EPHA1: variants seen among roughly 807,000 people sequenced by gnomAD.
The protein encoded by EPHA1 is ephrin type-A receptor 1.
Under a neutral mutation model 110.1 loss-of-function variants are expected in EPHA1, and 92 were observed. The ratio of observed to expected loss-of-function variants is 0.84; its 90% CI spans 0.71 to 0.99. The LOEUF (loss-of-function observed/expected upper bound fraction) is 0.99. EPHA1 is among the 50% of genes least tolerant of loss of function. EPHA1 has a pLI of 0.00. For synonymous variants in EPHA1, 500 were observed against 516.1 expected, an observed-to-expected ratio of 0.97 and a Z score of 0.42; for missense variants, 1,204 against 1,285.4, an observed-to-expected ratio of 0.94 and a Z score of 0.97.
Position 143,399,911 on chromosome 7 carries a change from A to G in EPHA1, c.575T>C (p.Val192Ala), listed in dbSNP as rs1441823997. The G allele has an allele frequency of 6.2e-7, 1 of 1,612,706 alleles. No homozygotes were observed. Among genetic ancestry groups the G allele is most frequent in the East Asian group, 2.2e-5 (1 of 44,848 alleles). The change falls in exon 4 of 18, where the codon GTG (valine) becomes GCG (alanine). Residue 192 changes from valine to alanine, a missense_variant. Physicochemically the swap from Val to Ala is moderately conservative, Grantham distance 64. Coordinates refer to ENST00000275815, the MANE Select transcript of EPHA1 (RefSeq NM_005232.5). ...GAAGACCCGGACAGACACCAGGGCC[A>G]CACAGGCACCCGGGTTGTGGAAAGC... ...YLAFHNPGACVALVSVRVFYQ... is the reference protein window; with the variant it reads ...YLAFHNPGACAALVSVRVFYQ...
Position 143,399,962 on chromosome 7 carries a change from C to T in EPHA1, c.524G>A (p.Arg175His), listed in dbSNP as rs760180128. Reference protein sequence around the residue: ...KLNVERCSLGRLTRRGLYLAF... With the variant: ...KLNVERCSLGHLTRRGLYLAF... The stretch of plus-strand genomic sequence containing the variant: ...GAGGTAGAGGCCACGGCGGGTCAGG[C>T]GGCCCAGAGAGCAGCGCTCCACATT... Residue 175 changes from arginine (R) to histidine (H), a missense_variant, in exon 4 of 18, where the codon CGC (arginine) becomes CAC (histidine). Transcript: ENST00000275815. The T allele has an allele frequency of 5.5e-5, 88 of 1,613,412 alleles. No individual in the cohort carries two copies. Among genetic ancestry groups the T allele is most frequent in the African/African-American group, 8.0e-5 (6 of 74,922 alleles).
chr7:143,398,561 C>G (rs1805325174), intron 6 of EPHA1, 40 bp downstream of exon 6: 1 of 1,606,876 alleles, frequency 6.2e-7, no homozygotes, highest in Non-Finnish European at 8.5e-7. Context: ...GCCCTTCTGT[C>G]TCCACCAGGT....
chr7:143,392,247 A>G (rs1047037567), intron 16 of EPHA1, among the ~76,000 whole-genome samples: 2 of 152,106 alleles, frequency 1.3e-5, no homozygotes, highest in African/African-American at 4.8e-5. Context: ...TTATTCTTGC[A>G]CTCTGACACC....
At chr7:143,396,625 G>T (rs1480671686) in intron 10 of EPHA1, 115 bp from the exon 11 acceptor site, 1 of 1,334,148 alleles carries the variant, frequency 7.5e-7, no homozygotes, top group African/African-American at 1.5e-5. Context: ...GTTTCCCAAG[G>T]TGACTCCTGT....
rs1805231735 is a variant in EPHA1 at position 143,395,905 on chromosome 7, G to A, written c.1898-401C>T. Among the ~76,000 whole-genome samples the A allele has an allele frequency of 6.6e-6, 1 of 152,232 alleles. No homozygotes were observed. The highest frequency in any genetic ancestry group is 6.5e-5 in the Admixed American group (1 of 15,288). ...CTCTGGTCCCAGCTTGCCTGGCTCA[G>A]CTGCACAATTGGCAAGGACACCACC... On this transcript the variant is annotated intron_variant, in intron 11 of 17. Transcript: ENST00000275815. The surrounding 1 kb of genome is among the most constrained non-coding windows in gnomAD (Gnocchi z 4.7).
At chr7:143,400,095 CCTG>C in intron 3 of EPHA1, 42 bp from the exon 4 acceptor site, 1 of 1,543,944 alleles carries the variant, frequency 6.5e-7, no homozygotes. Flanking sequence ...ATGGCAAAGT[CCTG>C]CTTCTTTCCC....
intron 2 of EPHA1, among the ~76,000 whole-genome samples, chr7:143,406,835 G>T (rs534874024): frequency 6.6e-6 from 1 of 152,324 alleles, no homozygotes; most frequent in South Asian, 2.1e-4. Flanking sequence ...ACTGAGTTTG[G>T]TTTTTTGTAC....
At chr7:143,406,156 G>C (rs1231195865) in intron 2 of EPHA1, among the ~76,000 whole-genome samples, 1 of 152,226 alleles carries the variant, frequency 6.6e-6, no homozygotes, top group Non-Finnish European at 1.5e-5. Flanking sequence ...GAACTAGACT[G>C]GGGTGGGGGA....
intron 16 of EPHA1, among the ~76,000 whole-genome samples, chr7:143,392,513 TGAA>T (rs967396364): frequency 2.0e-4 from 31 of 152,274 alleles, no homozygotes; most frequent in African/African-American, 6.0e-4. Flanking sequence ...ATAAAGCACT[TGAA>T]GAACAGCCTT....
Position 143,393,584 on chromosome 7 carries a change from C to G in EPHA1, c.2696+87G>C. 2 of 1,469,992 alleles carry G rather than the reference C, an allele frequency of 1.4e-6. No individual in the cohort carries two copies. The highest frequency in any genetic ancestry group is 1.3e-5 in the South Asian group (1 of 76,290). The allele number at this position is 1,469,992 out of a possible 1,614,324, so 91.1% of individuals were successfully genotyped here. ...GACTTGGTCCAGAGCTCCCCAGGCC[C>G]AGCGCTCAAAGAAGATTGGCTGAAT... On this transcript the variant is annotated intron_variant, in intron 16 of 17. Coordinates refer to ENST00000275815, the MANE Select transcript of EPHA1 (RefSeq NM_005232.5). This position sits in a 1 kb window ranked among gnomAD's most constrained non-coding sequence, Gnocchi z 5.6.
At chr7:143,405,436 C>CGTGTGTGCGT (rs1554449785) in intron 2 of EPHA1, among the ~76,000 whole-genome samples, 1 of 149,430 alleles carries the variant, frequency 6.7e-6, no homozygotes, top group Non-Finnish European at 1.5e-5. Context: ...TGCATGTGTG[C>CGTGTGTGCGT]GTGTGTGTGT....
intron 5 of EPHA1, 86 bp downstream of exon 5, chr7:143,399,172 G>T (rs1011475706): frequency 7.9e-6 from 12 of 1,520,992 alleles, no homozygotes; most frequent in Non-Finnish European, 1.1e-5. Flanking sequence ...TATCTGACAA[G>T]CTCTGGAAAA....
intron 5 of EPHA1, 41 bp downstream of exon 5, chr7:143,399,217 C>A: frequency 6.3e-7 from 1 of 1,589,504 alleles, no homozygotes; most frequent in Admixed American, 1.8e-5. Flanking sequence ...AAAGATCCAG[C>A]CCCTCCCTCC....
rs909473186 is a variant in EPHA1, at chr7:143,397,284, C to G, written c.1771+20G>C. The G allele has an allele frequency of 2.4e-5, 37 of 1,545,378 alleles. No homozygotes were observed. In the East Asian group the frequency reaches 7.1e-4, roughly 30 times the overall value. ...GTGTGCACACGCATGTGGGGACACA[C>G]GCAGGTGCACCCGACTCACCTCGAT... is the stretch of plus-strand genomic sequence containing the variant. On this transcript the variant is annotated intron_variant, in intron 10 of 17. Coordinates refer to ENST00000275815, the MANE Select transcript of EPHA1 (RefSeq NM_005232.5).
chr7:143,398,461 AGGG>A lies in EPHA1; in HGVS notation c.1337-16_1337-14del. On this transcript the variant is annotated splice_polypyrimidine_tract_variant and intron_variant, in intron 6 of 17. Coordinates refer to ENST00000275815, the MANE Select transcript of EPHA1 (RefSeq NM_005232.5). ...CCTGACAGTGACTCTGGGGGTCCAG[AGGG>A]ATAAGGTTGGATATGTAAGGAAAAA... 1 of 1,614,062 alleles carries A rather than the reference AGGG, an allele frequency of 6.2e-7. No individual in the cohort carries two copies. The highest frequency in any genetic ancestry group is 1.1e-5 in the South Asian group (1 of 91,088).
At position 143,394,257 on chromosome 7, in the gene EPHA1, C is replaced by A; in HGVS notation, c.2439G>T (p.Gly813=). 1 of 1,614,042 alleles carries A rather than the reference C, an allele frequency of 6.2e-7. No individual in the cohort carries two copies. Among genetic ancestry groups the A allele is most frequent in the Non-Finnish European group, 8.5e-7 (1 of 1,180,000 alleles). Residue 813 remains glycine (G), a synonymous_variant, in exon 15 of 18, where the codon GGG becomes GGT. Coordinates refer to ENST00000275815, the MANE Select transcript of EPHA1 (RefSeq NM_005232.5). ...AGCTCAGCACCTCCCACATCACAAT[C>A]CCAAAGCTCCACACATCGCTGGCTG... is the stretch of plus-strand genomic sequence containing the variant. ...FTTASDVWSF[G]IVMWEVLSFG...
In EPHA1 at chr7:143,394,203, G is replaced by A. The variant is rs1377866638; in HGVS notation, c.2493C>T (p.Ser831=). Residue 831 remains serine, a synonymous_variant, in exon 15 of 18, where the codon AGC becomes AGT. Coordinates refer to ENST00000275815, the MANE Select transcript of EPHA1 (RefSeq NM_005232.5). ...SFGDKPYGEM[S]NQEVMKSIED... ...AATATTCTGGGCTCACCTCCTGATT[G>A]CTCATCTCCCCATAAGGCTTGTCCC... 1 of 1,612,782 alleles carries A rather than the reference G, an allele frequency of 6.2e-7. No individual in the cohort carries two copies. Among genetic ancestry groups the A allele is most frequent in the Admixed American group, 1.7e-5 (1 of 59,878 alleles).
intron 2 of EPHA1, among the ~76,000 whole-genome samples, chr7:143,404,943 AG>A (rs1480918885): frequency 6.6e-5 from 10 of 151,842 alleles, no homozygotes; most frequent in Non-Finnish European, 1.5e-5. Flanking sequence ...ATTATAATGC[AG>A]GGGCCCTCAT....
Position 143,408,822 on chromosome 7 carries a change from C to T in EPHA1, c.-17G>A. 9.2e-7 allele frequency: 1 copy of T among 1,083,414 alleles called. No individual in the cohort carries two copies. Among genetic ancestry groups the T allele is most frequent in the Non-Finnish European group, 1.1e-6 (1 of 900,148 alleles). 67.1% of individuals were successfully genotyped at this position (1,083,414 alleles called of 1,614,324 possible). A position where few individuals can be genotyped will look rare whatever the true frequency, so the allele number is the denominator to read the frequency against. On this transcript the variant is annotated 5_prime_UTR_variant, in exon 1 of 18. Coordinates refer to ENST00000275815, the MANE Select transcript of EPHA1 (RefSeq NM_005232.5). ...CCGCTCCATAGCTCCGGGCCGGGAC[C>T]TGGGACAGTGGCCCGGATGGCAGCG...
Sources: gnomAD v4.1 joint callset for allele counts (sites outside exome capture counted in the v4.1 genomes callset) on GRCh38, gnomAD v4.1.1 for gene constraint, Gnocchi (gnomAD v3.1) non-coding constraint, MANE v1.5 for transcripts, NCBI Gene and HGNC (gene_info 2026-07-23, HGNC 2026-07-21) for gene names.